CNTNAP2: variants seen among roughly 807,000 people sequenced by gnomAD.
The protein encoded by CNTNAP2 is contactin associated protein 2.
A neutral mutation model predicts 155.2 loss-of-function variants in CNTNAP2; 98 were observed. The observed-to-expected ratio is 0.63, with a 90% CI of 0.54 to 0.75. The LOEUF (loss-of-function observed/expected upper bound fraction) is 0.75. CNTNAP2 is among the 30% of genes least tolerant of loss of function. The pLI is 0.00. For missense variants in CNTNAP2, 1,727 were observed against 1,688.1 expected, an observed-to-expected ratio of 1.02 and a Z score of -0.40; for synonymous variants, 651 against 631.2, an observed-to-expected ratio of 1.03 and a Z score of -0.47.
chr7:148,173,134 G>A (rs1794855850), intron 18 of CNTNAP2, among the ~76,000 whole-genome samples: 1 of 152,100 alleles, frequency 6.6e-6, no homozygotes, highest in Non-Finnish European at 1.5e-5. Context: ...AGATTCCGCA[G>A]AGCCAATGAG....
intron 1 of CNTNAP2, among the ~76,000 whole-genome samples, chr7:146,429,153 C>G (rs1335111413): frequency 6.6e-6 from 1 of 151,892 alleles, no homozygotes; most frequent in Non-Finnish European, 1.5e-5. Flanking sequence ...TAGTTTGAAG[C>G]CAGGTATTGT....
intron 1 of CNTNAP2, among the ~76,000 whole-genome samples, chr7:146,739,923 C>G (rs900440479): frequency 6.6e-6 from 1 of 151,976 alleles, no homozygotes; most frequent in African/African-American, 2.4e-5. Context: ...CAGTTTTTGA[C>G]TTGGAGTCCA....
intron 3 of CNTNAP2, 104 bp downstream of exon 3, chr7:146,840,008 A>G: frequency 1.5e-6 from 2 of 1,317,474 alleles, no homozygotes; most frequent in Non-Finnish European, 1.1e-6. Context: ...TTATGTATTC[A>G]AATCATTGGG....
chr7:146,268,412 G>A (rs1048054496), intron 1 of CNTNAP2, among the ~76,000 whole-genome samples: 1 of 152,112 alleles, frequency 6.6e-6, no homozygotes, highest in Non-Finnish European at 1.5e-5. Context: ...CCAATTGGAG[G>A]TGCCACAAGT....
At chr7:147,206,493 G>A (rs964810490) in intron 8 of CNTNAP2, among the ~76,000 whole-genome samples, 1 of 152,138 alleles carries the variant, frequency 6.6e-6, no homozygotes, top group Non-Finnish European at 1.5e-5. Context: ...AACCTGGGCA[G>A]CGGAGGTTGC....
In CNTNAP2 at chr7:148,414,235, C is replaced by T. The variant is rs149155731; in HGVS notation, c.3797-1182C>T. Among the ~76,000 whole-genome samples, 1,423 of 152,018 alleles carry T rather than the reference C, an allele frequency of 9.4e-3. 15 individuals are homozygous for T. Among genetic ancestry groups the T allele is most frequent in the Middle Eastern group, 0.027 (8 of 294 alleles). On this transcript the variant is annotated intron_variant, in intron 23 of 23. Coordinates refer to ENST00000361727, the MANE Select transcript of CNTNAP2 (RefSeq NM_014141.6). ...GGGATCACAGGAGCGTGCCACCATG[C>T]CTGGCTGATTTTTGTACTTTTAGTA...
intron 7 of CNTNAP2, among the ~76,000 whole-genome samples, chr7:147,131,046 A>ATATATATGTGTG (rs1554441747): frequency 6.8e-6 from 1 of 147,010 alleles, no homozygotes; most frequent in Non-Finnish European, 1.5e-5. Flanking sequence ...ATATACACAT[A>ATATATATGTGTG]TATATATGTG....
intron 8 of CNTNAP2, among the ~76,000 whole-genome samples, chr7:147,141,797 T>C (rs1488246732): frequency 1.3e-5 from 2 of 152,120 alleles, no homozygotes; most frequent in East Asian, 3.9e-4. Context: ...ATCATGTCCA[T>C]TGGGGTTCTC....
chr7:146,473,397 CTTCTTCTTTTCCT>C (rs1221750418), intron 1 of CNTNAP2, among the ~76,000 whole-genome samples: 21 of 151,850 alleles, frequency 1.4e-4, no homozygotes, highest in African/African-American at 3.9e-4. Flanking sequence ...CCTCTTTTCC[CTTCTTCTTTTCCT>C]TTCTTCTTTT....
At chr7:147,300,393 T>A in intron 9 of CNTNAP2, 103 bp downstream of exon 9, 3 of 1,294,498 alleles carry the variant, frequency 2.3e-6, no homozygotes, top group South Asian at 1.2e-5. Flanking sequence ...ACTGACTCAG[T>A]AGATCTCATG....
chr7:146,355,935 C>T (rs1794990901), intron 1 of CNTNAP2, among the ~76,000 whole-genome samples: 1 of 151,930 alleles, frequency 6.6e-6, no homozygotes, highest in Non-Finnish European at 1.5e-5. Context: ...AAGGGGTATG[C>T]ATATTCTTAC....
intron 1 of CNTNAP2, among the ~76,000 whole-genome samples, chr7:146,629,952 T>C (rs534419570): frequency 6.6e-4 from 100 of 152,262 alleles, no homozygotes; most frequent in African/African-American, 2.3e-3. Context: ...AATTTTATTT[T>C]ATAAAATAAA....
intron 1 of CNTNAP2, among the ~76,000 whole-genome samples, chr7:146,324,864 C>A (rs1406276206): frequency 2.6e-5 from 4 of 152,092 alleles, no homozygotes; most frequent in African/African-American, 9.6e-5. Context: ...TAGGAATATG[C>A]AATTTTAGTA....
intron 3 of CNTNAP2, among the ~76,000 whole-genome samples, chr7:147,041,007 C>T (rs1799250183): frequency 6.6e-6 from 1 of 152,112 alleles, no homozygotes; most frequent in Non-Finnish European, 1.5e-5. Context: ...TTTATTGCCC[C>T]TACCACCACA....
At chr7:148,115,868 G>A (rs747082961) in intron 15 of CNTNAP2, among the ~76,000 whole-genome samples, 1 of 152,134 alleles carries the variant, frequency 6.6e-6, no homozygotes, top group South Asian at 2.1e-4. Context: ...GCCGAGCATG[G>A]TGGCTCATGC....
chr7:147,121,184 A>G, intron 6 of CNTNAP2, 21 bp downstream of exon 6: 5 of 1,611,702 alleles, frequency 3.1e-6, no homozygotes, highest in Non-Finnish European at 4.2e-6. Context: ...TGACGTAGAA[A>G]TTGTAATAAA....
intron 3 of CNTNAP2, among the ~76,000 whole-genome samples, chr7:146,872,679 G>T (rs1795337982): frequency 6.6e-6 from 1 of 152,188 alleles, no homozygotes; most frequent in Non-Finnish European, 1.5e-5. Flanking sequence ...CAAAATAACT[G>T]TCAAACACAT....
rs1179184915 is a variant in CNTNAP2 at position 146,585,748 on chromosome 7, GAAGGAAAGAAAGA to G, written c.98-188505_98-188493del. Among the ~76,000 whole-genome samples the G allele has an allele frequency of 3.8e-5, 5 of 130,532 alleles. No homozygotes were observed. In the East Asian group the frequency reaches 6.1e-4, roughly 16 times the overall value. 85.6% of individuals were successfully genotyped at this position (130,532 alleles called of 152,430 possible). On this transcript the variant is annotated intron_variant, in intron 1 of 23. Transcript: ENST00000361727. ...GAAAGAAGAAAGAAAGAAAAAGAAA[GAAGGAAAGAAAGA>G]AAGGAAAGAAAGAAAGGGAAAGAAG...
At chr7:147,108,404 A>T in intron 5 of CNTNAP2, 54 bp downstream of exon 5, 1 of 1,446,400 alleles carries the variant, frequency 6.9e-7, no homozygotes, top group Non-Finnish European at 9.5e-7. Context: ...CCCATTAGGA[A>T]TATGTTCATG....
Sources: gnomAD v4.1 joint callset for allele counts (sites outside exome capture counted in the v4.1 genomes callset) on GRCh38, gnomAD v4.1.1 for gene constraint, MANE v1.5 for transcripts, NCBI Gene and HGNC (gene_info 2026-07-23, HGNC 2026-07-21) for gene names.